CKAP2L: variants seen among roughly 807,000 people sequenced by gnomAD.
CKAP2L encodes the protein cytoskeleton associated protein 2L.
CKAP2L carries 42 observed loss-of-function variants against 65.7 expected under a neutral mutation model. The ratio of observed to expected loss-of-function variants is 0.64; its 90% CI spans 0.50 to 0.83. The LOEUF (loss-of-function observed/expected upper bound fraction) is 0.83. Ranked by LOEUF, CKAP2L falls within the 40% of genes least tolerant of loss-of-function variation. The pLI, the probability that CKAP2L is intolerant of heterozygous loss-of-function variation, is 0.00. For missense variants in CKAP2L, 908 were observed against 871.0 expected, an observed-to-expected ratio of 1.04 and a Z score of -0.53; for synonymous variants, 325 against 313.5, an observed-to-expected ratio of 1.04 and a Z score of -0.39.
Position 112,755,716 on chromosome 2 carries a change from TTC to T in CKAP2L, c.1394+259_1394+260del, listed in dbSNP as rs567044189. Among the ~76,000 whole-genome samples, 24 of 152,074 alleles carry T rather than the reference TTC, an allele frequency of 1.6e-4. No homozygotes were observed. The South Asian group carries it at 4.2e-3, about 26-fold the overall frequency. On this transcript the variant is annotated intron_variant, in intron 4 of 8. Coordinates refer to ENST00000302450, the MANE Select transcript of CKAP2L (RefSeq NM_152515.5). ...GCACCCCCTACTTCTTACTCATCCATTCTGTTTCAATTTCTTAAAAAGAAAAA... is the reference window on the plus strand; with the variant it reads ...GCACCCCCTACTTCTTACTCATCCATTGTTTCAATTTCTTAAAAAGAAAAA...
At chr2:112,746,686 T>C in intron 5 of CKAP2L, 111 bp from the exon 6 acceptor site, 1 of 731,348 alleles carries the variant, frequency 1.4e-6, no homozygotes, top group Non-Finnish European at 2.1e-6. Flanking sequence ...TCACTAATAT[T>C]TTTGAACTTT....
chr2:112,755,295 C>T (rs1312215027), intron 4 of CKAP2L, among the ~76,000 whole-genome samples: 1 of 152,116 alleles, frequency 6.6e-6, no homozygotes, highest in Non-Finnish European at 1.5e-5. Flanking sequence ...TCTTGATTTC[C>T]ACGCCTGGCT....
intron 7 of CKAP2L, among the ~76,000 whole-genome samples, chr2:112,741,260 C>T (rs1679942148): frequency 6.6e-6 from 1 of 151,986 alleles, no homozygotes; most frequent in Non-Finnish European, 1.5e-5. Context: ...TTCTTGACAC[C>T]CTTTCAAGAC....
Position 112,761,666 on chromosome 2 carries a change from A to G in CKAP2L, c.104+837T>C, listed in dbSNP as rs1425533241. ...AATCAATCTGCATGGACCAAAAACA[A>G]TTGCTAGACTAACAAGGACTTTGAT... On this transcript the variant is annotated intron_variant, in intron 2 of 8. Coordinates refer to ENST00000302450, the MANE Select transcript of CKAP2L (RefSeq NM_152515.5). 2.0e-5 allele frequency among the ~76,000 whole-genome samples: 3 copies of G among 152,244 alleles called. No individual in the cohort carries two copies. The East Asian group carries it at 5.8e-4, about 29-fold the overall frequency.
chr2:112,756,781 C>G lies in CKAP2L; in HGVS notation c.590G>C (p.Arg197Thr), dbSNP rs1445617817. 2.5e-6 allele frequency: 4 copies of G among 1,602,750 alleles called. No homozygotes were observed. The highest frequency in any genetic ancestry group is 3.4e-6 in the Non-Finnish European group (4 of 1,176,786). ...GGTATATAATTTAGGATCTGGCTTCCTCTCAGGTTCTGTTAAGATATCGAG... is the reference window on the plus strand; with the variant it reads ...GGTATATAATTTAGGATCTGGCTTCGTCTCAGGTTCTGTTAAGATATCGAG... ...NLLDILTEPE[R>T]KPDPKLYTRS... is the part of the protein sequence containing the mutation. The change falls in exon 4 of 9, where the codon AGG (arginine) becomes ACG (threonine). Residue 197 changes from arginine to threonine, a missense_variant. Physicochemically the swap from Arg to Thr is moderately conservative, Grantham distance 71. Transcript: ENST00000302450.
chr2:112,763,191 T>C (rs1680784850), intron 1 of CKAP2L, among the ~76,000 whole-genome samples: 1 of 152,236 alleles, frequency 6.6e-6, no homozygotes, highest in African/African-American at 2.4e-5. Flanking sequence ...AGCTAATATG[T>C]GGCAATTCCA....
Position 112,756,176 on chromosome 2 carries a change from T to C in CKAP2L, c.1195A>G (p.Asn399Asp), listed in dbSNP as rs1389406748. 3 of 1,614,052 alleles carry C rather than the reference T, an allele frequency of 1.9e-6. No individual in the cohort carries two copies. The highest frequency in any genetic ancestry group is 2.5e-6 in the Non-Finnish European group (3 of 1,179,948). Residue 399 changes from asparagine (N) to aspartate (D), a missense_variant, in exon 4 of 9, where the codon AAT (asparagine) becomes GAT (aspartate). By Grantham distance (23) the Asn-to-Asp change is conservative (BLOSUM62 1). Coordinates refer to ENST00000302450, the MANE Select transcript of CKAP2L (RefSeq NM_152515.5). ...TTATGTTTATTACCACTGGTTCCAT[T>C]TGGTCTTATGCTAGGGGTGCTTGGA... ...AIPSTPSIRP[N>D]GTSGNKHNNN...
intron 5 of CKAP2L, among the ~76,000 whole-genome samples, chr2:112,750,460 T>A (rs188566119): frequency 6.6e-6 from 1 of 152,176 alleles, no homozygotes; most frequent in Non-Finnish European, 1.5e-5. Context: ...AGGATGACTC[T>A]GAGAGATGTG....
rs1405262682 is a variant in CKAP2L at position 112,756,562 on chromosome 2, G to C, written c.809C>G (p.Pro270Arg). The C allele has an allele frequency of 6.2e-7, 1 of 1,612,152 alleles. No homozygotes were observed. The highest frequency in any genetic ancestry group is 1.7e-5 in the Admixed American group (1 of 59,536). Residue 270 changes from proline (P) to arginine (R), a missense_variant, in exon 4 of 9, where the codon CCA becomes CGA. Transcript: ENST00000302450. ...AACCGTCCTTGAGGGTTTTACTCCT[G>C]GTCTTGCAAGATCTGCTCCTCTAGA... Reference protein sequence around the residue: ...QLSRGADLARPGVKPSRTVPS... With the variant: ...QLSRGADLARRGVKPSRTVPS...
At chr2:112,752,221 A>T (rs374276125) in intron 5 of CKAP2L, 46 bp downstream of exon 5, 3 of 1,401,226 alleles carry the variant, frequency 2.1e-6, no homozygotes, top group Non-Finnish European at 3.0e-6. Context: ...TTTAAAAATT[A>T]TAAGACTTTG....
intron 4 of CKAP2L, 138 bp from the exon 5 acceptor site, chr2:112,752,612 C>A (rs537886286): frequency 1.7e-5 from 11 of 645,756 alleles, no homozygotes; most frequent in Admixed American, 1.3e-4. Flanking sequence ...AATTAAAAAA[C>A]AATTTACAAA....
At chr2:112,762,137 G>C (rs1426005704) in intron 2 of CKAP2L, among the ~76,000 whole-genome samples, 1 of 152,128 alleles carries the variant, frequency 6.6e-6, no homozygotes, top group East Asian at 1.9e-4. Context: ...TCCTGCCTTA[G>C]CAAGAAATGC....
At chr2:112,741,826 TCTTCATTCA>T (rs1393757072) in intron 7 of CKAP2L, among the ~76,000 whole-genome samples, 1 of 152,062 alleles carries the variant, frequency 6.6e-6, no homozygotes, top group Non-Finnish European at 1.5e-5. Context: ...AGTGGCGTGA[TCTTCATTCA>T]CTCCAAATTC....
intron 1 of CKAP2L, chr2:112,764,132 G>A: frequency 4.4e-6 from 1 of 224,874 alleles, no homozygotes; most frequent in East Asian, 1.3e-4. Flanking sequence ...TGAGAGCCCC[G>A]CCAGAGGCAG....
At chr2:112,739,780 A>C (rs1362096719) in intron 8 of CKAP2L, among the ~76,000 whole-genome samples, 2 of 152,090 alleles carry the variant, frequency 1.3e-5, no homozygotes, top group Non-Finnish European at 2.9e-5. Flanking sequence ...TCAGCCTTTC[A>C]AGCTGGTGGG....
In CKAP2L at chr2:112,746,724, C is replaced by G. The variant is rs578067382; in HGVS notation, c.1603-149G>C. 2,262 of 516,312 alleles carry G rather than the reference C, an allele frequency of 4.4e-3. 7 individuals carry two copies. The highest frequency in any genetic ancestry group is 6.0e-3 in the Non-Finnish European group (1,760 of 291,464). 32.0% of individuals were successfully genotyped at this position (516,312 alleles called of 1,614,324 possible). ...AAAAAATTTCAATTTTACTGAGGTA[C>G]AATGTACATGTAATAAAATGCACCT... On this transcript the variant is annotated intron_variant, in intron 5 of 8. Coordinates refer to ENST00000302450, the MANE Select transcript of CKAP2L (RefSeq NM_152515.5).
At chr2:112,760,672 C>T (rs960619059) in intron 3 of CKAP2L, 41 bp downstream of exon 3, 5 of 959,384 alleles carry the variant, frequency 5.2e-6, no homozygotes, top group Admixed American at 2.3e-5. Flanking sequence ...ACTAATCATA[C>T]TTATGAATGC....
At chr2:112,748,106 T>C (rs1433246260) in intron 5 of CKAP2L, among the ~76,000 whole-genome samples, 2 of 152,178 alleles carry the variant, frequency 1.3e-5, no homozygotes, top group Non-Finnish European at 2.9e-5. Flanking sequence ...CTAAGAGAGT[T>C]TCTAGAAGGA....
At position 112,752,233 on chromosome 2, in the gene CKAP2L, G is replaced by A. The variant is rs761822131; in HGVS notation, c.1602+34C>T. 6 of 1,501,796 alleles carry A rather than the reference G, an allele frequency of 4.0e-6. No homozygotes were observed. The Admixed American group carries it at 9.2e-5, about 23-fold the overall frequency. The allele number at this position is 1,501,796 out of a possible 1,614,324, so 93.0% of individuals were successfully genotyped here. A position where few individuals can be genotyped will look rare whatever the true frequency, so the allele number is the denominator to read the frequency against. On this transcript the variant is annotated intron_variant, in intron 5 of 8. Transcript: ENST00000302450. ...ATGTTTAAAAATTATAAGACTTTGG[G>A]CCAAAGCTGGAGGAGCTTATCTTCT... is the stretch of plus-strand genomic sequence containing the variant.
Sources: allele counts gnomAD v4.1 joint callset (sites outside exome capture counted in the v4.1 genomes callset), GRCh38; gene constraint gnomAD v4.1.1; transcripts MANE v1.5; gene names NCBI Gene and HGNC (gene_info 2026-07-23, HGNC 2026-07-21).